The following POLK variants were observed in gnomAD, a reference collection of about 807,000 sequenced individuals.
POLK encodes the protein polymerase (DNA directed) kappa.
In POLK, 76 loss-of-function variants were observed where a neutral mutation model predicts 94.0. The ratio of observed to expected loss-of-function variants is 0.81; its 90% CI spans 0.67 to 0.98. POLK has a LOEUF of 0.98. Ranked by LOEUF, POLK falls within the 50% of genes least tolerant of loss-of-function variation. The pLI is 0.00. For synonymous variants in POLK, 349 were observed against 325.4 expected, an observed-to-expected ratio of 1.07 and a Z score of -0.78; for missense variants, 954 against 1,010.1, an observed-to-expected ratio of 0.94 and a Z score of 0.75.
chr5:75,530,979 G>A (rs1228014794), intron 1 of POLK, among the ~76,000 whole-genome samples: 1 of 151,376 alleles, frequency 6.6e-6, no homozygotes, highest in African/African-American at 2.4e-5. Context: ...CTAATTTTTT[G>A]TATTTTTTTA....
At chr5:75,587,032 A>G in exon 10 of POLK, 2 of 1,550,278 alleles carry the variant, frequency 1.3e-6, no homozygotes, top group South Asian at 1.2e-5. Flanking sequence ...CAAGGGATGG[A>G]GAGAGGAAAA....
Position 75,542,704 on chromosome 5 carries a change from TA to T in POLK, c.-13-4305del, listed in dbSNP as rs565896914. Among the ~76,000 whole-genome samples the T allele has an allele frequency of 6.1e-4, 89 of 147,064 alleles. 1 individual carries two copies. The highest frequency in any genetic ancestry group is 2.2e-3 in the African/African-American group (86 of 39,492). On this transcript the variant is annotated intron_variant, in intron 1 of 14. Coordinates refer to ENST00000241436, the Ensembl canonical transcript of POLK. ...ATATATACATATATGTATATATATG[TA>T]TTTTTTTTTTGAGGCGGAGTCTTAC...
In POLK at chr5:75,523,569, T is replaced by C. The variant is rs142800052; in HGVS notation, c.-14+11655T>C. 2.0e-4 allele frequency among the ~76,000 whole-genome samples: 30 copies of C among 152,328 alleles called. 1 individual carries two copies. The East Asian group carries it at 3.1e-3, about 16-fold the overall frequency. Reference sequence around the variant, plus strand: ...AGACCTTTGCTTCTTTCTAGGAATTTTTGCTGGTTTTACTGTGGAATGAGA... The same window carrying C: ...AGACCTTTGCTTCTTTCTAGGAATTCTTGCTGGTTTTACTGTGGAATGAGA... On this transcript the variant is annotated intron_variant, in intron 1 of 14. Coordinates refer to ENST00000241436, the Ensembl canonical transcript of POLK.
At chr5:75,588,484 G>T (rs1245714193) in intron 10 of POLK, among the ~76,000 whole-genome samples, 1 of 152,282 alleles carries the variant, frequency 6.6e-6, no homozygotes, top group Non-Finnish European at 1.5e-5. Context: ...CAGATTGAAA[G>T]TTCTCTCAGA....
chr5:75,532,139 A>G (rs1323705032), intron 1 of POLK, among the ~76,000 whole-genome samples: 1 of 152,196 alleles, frequency 6.6e-6, no homozygotes, highest in African/African-American at 2.4e-5. Context: ...CACATTTATT[A>G]TATAGGTAAA....
chr5:75,595,290 C>T (rs1773018133), intron 12 of POLK, among the ~76,000 whole-genome samples: 1 of 127,722 alleles, frequency 7.8e-6, no homozygotes, highest in Non-Finnish European at 1.6e-5. Flanking sequence ...GAGCAGATAT[C>T]TATAGAAGCT....
At chr5:75,559,518 G>GT (rs1770850714) in intron 3 of POLK, among the ~76,000 whole-genome samples, 8 of 70,150 alleles carry the variant, frequency 1.1e-4, no homozygotes, top group African/African-American at 2.2e-4. Flanking sequence ...TTTTTGTTTT[G>GT]TTTTGTTTTT....
At chr5:75,575,096 T>C (rs567538323) in intron 5 of POLK, among the ~76,000 whole-genome samples, 1 of 152,346 alleles carries the variant, frequency 6.6e-6, no homozygotes, top group South Asian at 2.1e-4. Context: ...AAATGAGTTC[T>C]TCTGTGTAAA....
chr5:75,559,508 T>G (rs1232174062), intron 3 of POLK, among the ~76,000 whole-genome samples: 7 of 146,902 alleles, frequency 4.8e-5, no homozygotes, highest in Admixed American at 2.0e-4. Context: ...GGGGTTTGTT[T>G]TTTTGTTTTG....
At chr5:75,588,536 A>G (rs999433071) in intron 10 of POLK, among the ~76,000 whole-genome samples, 1 of 152,116 alleles carries the variant, frequency 6.6e-6, no homozygotes, top group Non-Finnish European at 1.5e-5. Context: ...ATTCTAACAT[A>G]CTCTATTGGC....
intron 1 of POLK, among the ~76,000 whole-genome samples, chr5:75,543,010 C>CTTATTTAT (rs61605357): frequency 0.018 from 2,298 of 130,420 alleles, 34 homozygotes; most frequent in African/African-American, 0.032. Context: ...CGCGCCCAGC[C>CTTATTTAT]TTATTTATTT....
At chr5:75,577,012 A>G (rs931035555) in intron 6 of POLK, 79 bp downstream of exon 6, 45 of 840,858 alleles carry the variant, frequency 5.4e-5, no homozygotes, top group Non-Finnish European at 6.9e-5. Flanking sequence ...AATCCAATTA[A>G]TTTATTAGCC....
chr5:75,603,352 TC>T (rs1304321923), downstream of POLK, among the ~76,000 whole-genome samples: 1 of 152,028 alleles, frequency 6.6e-6, no homozygotes, highest in African/African-American at 2.4e-5. Flanking sequence ...TTGTCAGTTT[TC>T]CCTGCTCTAA....
intron 1 of POLK, among the ~76,000 whole-genome samples, chr5:75,522,285 T>C (rs757157083): frequency 1.3e-5 from 2 of 152,250 alleles, no homozygotes; most frequent in Non-Finnish European, 2.9e-5. Context: ...GTCATAGATA[T>C]TGAATTCTGA....
rs775151834 is a variant in POLK at position 75,581,486 on chromosome 5, TTTTCAGAC to T, written c.934+40_934+47del. The T allele has an allele frequency of 4.5e-6, 7 of 1,563,684 alleles. No homozygotes were observed. In the African/African-American group the frequency reaches 9.6e-5, roughly 21 times the overall value. On this transcript the variant is annotated intron_variant, in intron 7 of 14. Transcript: ENST00000241436. ...GTATTGATGGCCACTGTAGTTATAA[TTTTCAGAC>T]TGGCTAATTTAAGTGTAATATTAGT...
intron 1 of POLK, among the ~76,000 whole-genome samples, chr5:75,532,775 C>T (rs1769246687): frequency 6.6e-6 from 1 of 152,144 alleles, no homozygotes; most frequent in Non-Finnish European, 1.5e-5. Context: ...TTAAAAATCA[C>T]AATTCTGACT....
At chr5:75,599,777 A>G (rs950294201) in exon 15 of POLK, 1 of 152,134 alleles carries the variant, frequency 6.6e-6, no homozygotes, top group Non-Finnish European at 1.5e-5. Flanking sequence ...TCATTTAGTA[A>G]TATTTAATCA....
At chr5:75,536,581 A>G (rs115225303) in intron 1 of POLK, among the ~76,000 whole-genome samples, 2,156 of 151,054 alleles carry the variant, frequency 0.014, 55 homozygotes, top group African/African-American at 0.051. Flanking sequence ...GGCATGGCTC[A>G]CCTGGCTACC....
At chr5:75,597,371 A>G (rs1425602968) in intron 13 of POLK, 193 bp downstream of exon 13, 2 of 525,886 alleles carry the variant, frequency 3.8e-6, no homozygotes, top group African/African-American at 3.8e-5. Flanking sequence ...TTTGGGGAAA[A>G]CTTTGGTTTG....
Sources: gnomAD v4.1 joint callset for allele counts (sites outside exome capture counted in the v4.1 genomes callset) on GRCh38, gnomAD v4.1.1 for gene constraint, MANE v1.5 for transcripts, NCBI Gene and HGNC (gene_info 2026-07-23, HGNC 2026-07-21) for gene names.